Variants in CACNA2D1 observed in about 807,000 individuals in gnomAD.
CACNA2D1 encodes the protein calcium voltage-gated channel auxiliary subunit alpha2delta 1, also known as voltage-dependent calcium channel subunit alpha-2/delta-1.
CACNA2D1 carries 53 observed loss-of-function variants against 171.5 expected under a neutral mutation model. The ratio of observed to expected loss-of-function variants is 0.31; its 90% CI spans 0.25 to 0.39. The LOEUF is 0.39. Ranked by LOEUF, CACNA2D1 falls within the 10% of genes least tolerant of loss-of-function variation. CACNA2D1 has a pLI of 1.00. For missense variants in CACNA2D1, 903 were observed against 1,299.8 expected, an observed-to-expected ratio of 0.69 and a Z score of 4.69; for synonymous variants, 442 against 443.1, an observed-to-expected ratio of 1.00 and a Z score of 0.03.
chr7:82,197,310 C>T (rs1025809321), intron 3 of CACNA2D1, among the ~76,000 whole-genome samples: 1 of 151,902 alleles, frequency 6.6e-6, no homozygotes, highest in Non-Finnish European at 1.5e-5. Context: ...ACCCTATCAG[C>T]GGTTCTCTGA....
intron 3 of CACNA2D1, among the ~76,000 whole-genome samples, chr7:82,274,512 C>T (rs111956806): frequency 2.0e-5 from 3 of 152,264 alleles, no homozygotes; most frequent in Non-Finnish European, 4.4e-5. Flanking sequence ...CTGACCATCA[C>T]ATATTCTTTA....
intron 12 of CACNA2D1, chr7:82,029,538 TTAAAAAAGAAAAACAGCTTATATTTA>T (rs1802388694): frequency 6.6e-6 from 1 of 151,698 alleles, no homozygotes; most frequent in African/African-American, 2.4e-5. Context: ...TTGCCATGAT[TTAAAAAAGAAAAACAGCTTATATTTA>T]TATTCCTACT....
In CACNA2D1 at chr7:82,099,936, G is replaced by T. The variant is rs184507939; in HGVS notation, c.527-15036C>A. ...AACAACACACACTGAGGCCTGTCAG[G>T]GGGTAGGAGAAGGGAGAGCATTAGG... On this transcript the variant is annotated intron_variant, in intron 6 of 38. Transcript: ENST00000356860. 4.6e-5 allele frequency among the ~76,000 whole-genome samples: 7 copies of T among 152,252 alleles called. 1 individual carries two copies. Among genetic ancestry groups the T allele is most frequent in the Admixed American group, 4.6e-4 (7 of 15,292 alleles).
At chr7:81,969,210 C>G (rs1795022774) in intron 28 of CACNA2D1, among the ~76,000 whole-genome samples, 1 of 151,392 alleles carries the variant, frequency 6.6e-6, no homozygotes, top group Admixed American at 6.6e-5. Flanking sequence ...TTGGTTGCAT[C>G]TGCTTTCACA....
At position 82,129,464 on chromosome 7, in the gene CACNA2D1, T is replaced by C. The variant is rs74668846; in HGVS notation, c.396+7171A>G. On this transcript the variant is annotated intron_variant, in intron 5 of 38. Coordinates refer to ENST00000356860, the MANE Select transcript of CACNA2D1 (RefSeq NM_000722.4). ...CCCACATTTTTTACTTTTCTGGCATTTGAAGAGTACTTCTCAAACTTATTC... is the reference window on the plus strand; with the variant it reads ...CCCACATTTTTTACTTTTCTGGCATCTGAAGAGTACTTCTCAAACTTATTC... Among the ~76,000 whole-genome samples the C allele has an allele frequency of 1.4e-3, 217 of 152,338 alleles. 2 individuals are homozygous for C. Among genetic ancestry groups the C allele is most frequent in the African/African-American group, 5.0e-3 (210 of 41,590 alleles).
chr7:82,251,815 G>A (rs139835268), intron 3 of CACNA2D1, among the ~76,000 whole-genome samples: 4 of 152,284 alleles, frequency 2.6e-5, no homozygotes, highest in African/African-American at 9.6e-5. Context: ...GGAAGGAGCA[G>A]GAGATAGGAT....
intron 1 of CACNA2D1, among the ~76,000 whole-genome samples, chr7:82,434,362 G>C (rs1036088993): frequency 2.0e-5 from 3 of 152,148 alleles, no homozygotes; most frequent in African/African-American, 7.2e-5. Context: ...TTTTTAAGTT[G>C]AGGGGTAAAA....
chr7:82,385,652 T>TTTGTTTTGTTTTGTTGTTTCTTG (rs527678486), intron 1 of CACNA2D1, among the ~76,000 whole-genome samples: 1,546 of 121,822 alleles, frequency 0.013, 59 homozygotes, highest in East Asian at 0.093. Flanking sequence ...TTTTGGTTGT[T>TTTGTTTTGTTTTGTTGTTTCTTG]TTGTTTTGTT....
chr7:82,319,981 G>T (rs898728447), intron 3 of CACNA2D1, among the ~76,000 whole-genome samples: 1 of 152,146 alleles, frequency 6.6e-6, no homozygotes, highest in African/African-American at 2.4e-5. Context: ...ACTGCGGCCT[G>T]TTGGCATGCT....
chr7:81,968,953 C>G lies in CACNA2D1; in HGVS notation c.2329G>C (p.Glu777Gln). The change falls in exon 29 of 39, where the codon GAA (glutamate) becomes CAA (glutamine). Residue 777 changes from glutamate (E) to glutamine (Q), a missense_variant. Coordinates refer to ENST00000356860, the MANE Select transcript of CACNA2D1 (RefSeq NM_000722.4). ...GCTTTGCTTACCATAATGCCCGATT[C>G]ATAGGCACCAGGTCCACTTTCTAAA... ...YFNKSGPGAY[E>Q]SGIMVSKAVE... The G allele has an allele frequency of 6.3e-7, 1 of 1,586,740 alleles. No individual in the cohort carries two copies. The highest frequency in any genetic ancestry group is 8.6e-7 in the Non-Finnish European group (1 of 1,157,652).
At position 81,974,423 on chromosome 7, in the gene CACNA2D1, C is replaced by G. The variant is rs142233984; in HGVS notation, c.2053+32G>C. 6.4e-4 allele frequency: 676 copies of G among 1,050,754 alleles called. 1 individual carries two copies. The African/African-American group carries it at 8.1e-3, about 13-fold the overall frequency. 65.1% of individuals were successfully genotyped at this position (1,050,754 alleles called of 1,614,324 possible). ...TACTATAAACCAATAGAACCACACT[C>G]AAGCAATCATTTTGAATTAATGCAT... On this transcript the variant is annotated intron_variant, in intron 25 of 38. Coordinates refer to ENST00000356860, the MANE Select transcript of CACNA2D1 (RefSeq NM_000722.4).
chr7:81,995,864 T>G (rs1016511240), intron 19 of CACNA2D1, among the ~76,000 whole-genome samples: 5 of 151,930 alleles, frequency 3.3e-5, no homozygotes, highest in Non-Finnish European at 5.9e-5. Flanking sequence ...GACTGGCAAT[T>G]CTCAGAAGTT....
At chr7:82,274,134 G>C (rs79306619) in intron 3 of CACNA2D1, among the ~76,000 whole-genome samples, 1 of 152,012 alleles carries the variant, frequency 6.6e-6, no homozygotes, top group Non-Finnish European at 1.5e-5. Flanking sequence ...CTCTGTCACA[G>C]AGCCTGCGCA....
At position 82,349,587 on chromosome 7, in the gene CACNA2D1, C is replaced by T. The variant is rs79543314; in HGVS notation, c.158G>A (p.Gly53Glu). 6.2e-7 allele frequency: 1 copy of T among 1,613,808 alleles called. No homozygotes were observed. Among genetic ancestry groups the T allele is most frequent in the Non-Finnish European group, 8.5e-7 (1 of 1,179,712 alleles). ...DLVTLAKTAS[G>E]VNQLVDIYEK... is the part of the protein sequence containing the mutation. The stretch of plus-strand genomic sequence containing the variant: ...ACTCACATCAACAAGCTGATTGACT[C>T]CACTTGCTGTTTTTGCCAGTGTGAC... Residue 53 changes from glycine to glutamate, a missense_variant, in exon 2 of 39, where the codon GGA becomes GAA. Transcript: ENST00000356860.
chr7:82,027,568 C>T (rs1253706025), intron 12 of CACNA2D1: 1 of 151,574 alleles, frequency 6.6e-6, no homozygotes, highest in African/African-American at 2.4e-5. Flanking sequence ...TGTATAAGGT[C>T]TTCTATTGTA....
At chr7:82,037,890 T>C (rs903056605) in intron 11 of CACNA2D1, among the ~76,000 whole-genome samples, 187 bp downstream of exon 11, 1 of 152,214 alleles carries the variant, frequency 6.6e-6, no homozygotes, top group Admixed American at 6.5e-5. Context: ...ACATTTTAGA[T>C]GCCTTTTGAA....
rs1429824496 is a variant in CACNA2D1, at chr7:82,349,651, TG to T, written c.96-3del. 1 of 1,609,940 alleles carries T rather than the reference TG, an allele frequency of 6.2e-7. No homozygotes were observed. The highest frequency in any genetic ancestry group is 1.3e-5 in the African/African-American group (1 of 74,866). On this transcript the variant is annotated splice_polypyrimidine_tract_variant and splice_region_variant and intron_variant, in intron 1 of 38. Coordinates refer to ENST00000356860, the MANE Select transcript of CACNA2D1 (RefSeq NM_000722.4). ...ATCTTATCCACCCATGATTTGATAC[TG>T]CAGAAATCAGAAAAGATTATGTTCT... is the stretch of plus-strand genomic sequence containing the variant.
intron 5 of CACNA2D1, among the ~76,000 whole-genome samples, chr7:82,121,763 G>A (rs1563079720): frequency 9.5e-6 from 1 of 105,286 alleles, no homozygotes; most frequent in East Asian, 2.7e-4. Flanking sequence ...TATTGTTCTT[G>A]CAAAAAAACA....
intron 7 of CACNA2D1, among the ~76,000 whole-genome samples, chr7:82,080,781 T>C (rs866228434): frequency 6.6e-6 from 1 of 152,228 alleles, no homozygotes. Context: ...TCAGTCATGT[T>C]TAGATTCCTT....
Sources: gnomAD v4.1 joint callset for allele counts (sites outside exome capture counted in the v4.1 genomes callset) on GRCh38, gnomAD v4.1.1 for gene constraint, MANE v1.5 for transcripts, NCBI Gene and HGNC (gene_info 2026-07-23, HGNC 2026-07-21) for gene names.